The following PTPRC variants were observed in gnomAD, a reference collection of about 807,000 sequenced individuals.
The protein encoded by PTPRC is receptor-type tyrosine-protein phosphatase C.
PTPRC carries 44 observed loss-of-function variants against 155.9 expected under a neutral mutation model. The observed-to-expected ratio is 0.28, with a 90% CI of 0.22 to 0.36. The LOEUF is 0.36. Ranked by LOEUF, PTPRC falls within the 10% of genes least tolerant of loss-of-function variation. The probability of loss-of-function intolerance (pLI) is 1.00; values close to 1 mark genes in which losing one functional copy is unlikely to be tolerated. For synonymous variants in PTPRC, 525 were observed against 533.1 expected (o/e 0.98, Z 0.21); for missense variants, 1,401 against 1,564.6 (o/e 0.90, Z 1.76).
chr1:198,662,511 A>C (rs1031197865), intron 2 of PTPRC, among the ~76,000 whole-genome samples: 1 of 151,156 alleles, frequency 6.6e-6, no homozygotes, highest in Non-Finnish European at 1.5e-5. Flanking sequence ...AGACCATATT[A>C]GTATATACAC....
rs1489778907 is a variant in PTPRC at position 198,744,183 on chromosome 1, C to G, written c.2827C>G (p.Pro943Ala). Residue 943 changes from proline (P) to alanine (A), a missense_variant, in exon 26 of 33, where the codon CCA (proline) becomes GCA (alanine). Pro to Ala is a conservative substitution (Grantham distance 27, BLOSUM62 -1). Around this residue, in one of 3 missense-constraint regions of PTPRC, gnomAD observed 134 missense variants for 204.7 expected, o/e 0.65. Transcript: ENST00000442510. Reference sequence around the variant, plus strand: ...AAGGGATCCACCCAGTGAGCCGTCTCCACTAGAGGCTGAATTCCAGGTAAT... The same window carrying G: ...AAGGGATCCACCCAGTGAGCCGTCTGCACTAGAGGCTGAATTCCAGGTAAT... ...KKRDPPSEPS[P>A]LEAEFQRLPS... The G allele has an allele frequency of 1.9e-6, 3 of 1,605,918 alleles. No homozygotes were observed. Among genetic ancestry groups the G allele is most frequent in the Non-Finnish European group, 2.6e-6 (3 of 1,173,846 alleles).
chr1:198,684,398 T>C (rs1665505397), intron 2 of PTPRC, among the ~76,000 whole-genome samples: 1 of 151,854 alleles, frequency 6.6e-6, no homozygotes, highest in Non-Finnish European at 1.5e-5. Flanking sequence ...CAGCTAGATA[T>C]GGTTGCTATC....
rs1014756710 is a variant in PTPRC, at chr1:198,756,638, T to C, written c.*457T>C. Reference sequence around the variant, plus strand: ...TGCAGACTCAATAAAATCATGTACATTTCTGAAATGACCTCAAGATGTCCT... The same window carrying C: ...TGCAGACTCAATAAAATCATGTACACTTCTGAAATGACCTCAAGATGTCCT... On this transcript the variant is annotated 3_prime_UTR_variant, in exon 33 of 33. Coordinates refer to ENST00000442510, the MANE Select transcript of PTPRC (RefSeq NM_002838.5). 1.8e-5 allele frequency: 3 copies of C among 168,368 alleles called. No homozygotes were observed. Among genetic ancestry groups the C allele is most frequent in the Admixed American group, 1.2e-4 (2 of 17,336 alleles). The allele number at this position is 168,368 out of a possible 1,614,324, so 10.4% of individuals were successfully genotyped here. A position where few individuals can be genotyped will look rare whatever the true frequency, so the allele number is the denominator to read the frequency against.
intron 14 of PTPRC, 56 bp downstream of exon 14, chr1:198,718,358 C>A: frequency 7.2e-7 from 1 of 1,380,210 alleles, no homozygotes; most frequent in South Asian, 1.2e-5. Context: ...ATGATTGATT[C>A]ATAGTACTTA....
intron 5 of PTPRC, chr1:198,700,269 A>T (rs1215456523): frequency 6.3e-6 from 1 of 159,868 alleles, no homozygotes; most frequent in East Asian, 1.8e-4. Flanking sequence ...ATTAGTGTCC[A>T]AATCACTTCT....
intron 5 of PTPRC, among the ~76,000 whole-genome samples, chr1:198,701,060 G>C (rs1303081022): frequency 1.3e-5 from 2 of 152,138 alleles, no homozygotes; most frequent in Non-Finnish European, 2.9e-5. Context: ...TTTTTTAAAG[G>C]ATGAATAAAT....
At chr1:198,731,511 G>A in intron 17 of PTPRC, 106 bp from the exon 18 acceptor site, 1 of 814,430 alleles carries the variant, frequency 1.2e-6, no homozygotes. Flanking sequence ...TGTGTACGAG[G>A]AGGAAAGAAG....
intron 2 of PTPRC, among the ~76,000 whole-genome samples, chr1:198,644,267 A>T (rs1455745446): frequency 6.6e-6 from 1 of 151,958 alleles, no homozygotes; most frequent in Non-Finnish European, 1.5e-5. Context: ...TCAATCCCAT[A>T]GCAGTGGCCT....
At chr1:198,709,407 A>G (rs1379320941) in intron 10 of PTPRC, among the ~76,000 whole-genome samples, 2 of 152,090 alleles carry the variant, frequency 1.3e-5, no homozygotes, top group Non-Finnish European at 2.9e-5. Flanking sequence ...TTCCCAATAT[A>G]TTGTATCATC....
chr1:198,735,232 C>G lies in PTPRC; in HGVS notation c.2383C>G (p.Gln795Glu), dbSNP rs775791258. 1.2e-6 allele frequency: 2 copies of G among 1,601,582 alleles called. No homozygotes were observed. The highest frequency in any genetic ancestry group is 1.7e-6 in the Non-Finnish European group (2 of 1,172,720). The change falls in exon 23 of 33, where the codon CAG (glutamine) becomes GAG (glutamate). Residue 795 changes from glutamine to glutamate, a missense_variant. By Grantham distance (29) the Gln-to-Glu change is conservative. This residue lies in a region of PTPRC where 867 missense variants were observed against 970.4 expected (regional missense o/e 0.89). Transcript: ENST00000442510. The part of the protein sequence containing the change: ...QHKRCPDYII[Q>E]KLNIVNKKEK... Reference sequence around the variant, plus strand: ...CAAAAGATGTCCAGATTACATCATTCAGAAATTGAACATTGTAAATGTGAG... The same window carrying G: ...CAAAAGATGTCCAGATTACATCATTGAGAAATTGAACATTGTAAATGTGAG...
At chr1:198,709,480 A>C (rs1422779997) in intron 10 of PTPRC, among the ~76,000 whole-genome samples, 3 of 152,136 alleles carry the variant, frequency 2.0e-5, no homozygotes, top group Non-Finnish European at 4.4e-5. Flanking sequence ...TGGTGCCAGG[A>C]ATTTTGAATA....
chr1:198,688,078 GGTGTGT>G lies in PTPRC; in HGVS notation c.74-4254_74-4249del, dbSNP rs139116095. Reference sequence around the variant, plus strand: ...TTTAAAAAGATAAAATGGTGTGTGGGGTGTGTGTGTGTGTGTGTGTCTGTGTGTGTG... The same window carrying G: ...TTTAAAAAGATAAAATGGTGTGTGGGGTGTGTGTGTGTGTCTGTGTGTGTG... On this transcript the variant is annotated intron_variant, in intron 2 of 32. Coordinates refer to ENST00000442510, the MANE Select transcript of PTPRC (RefSeq NM_002838.5). Among the ~76,000 whole-genome samples the G allele has an allele frequency of 4.6e-3, 690 of 148,558 alleles. 4 individuals carry two copies. Among genetic ancestry groups the G allele is most frequent in the African/African-American group, 9.1e-3 (368 of 40,650 alleles).
At chr1:198,739,698 T>G (rs909477155) in intron 23 of PTPRC, among the ~76,000 whole-genome samples, 6 of 151,802 alleles carry the variant, frequency 4.0e-5, no homozygotes, top group African/African-American at 1.4e-4. Context: ...CAAAGAAACA[T>G]TGGTCTTAAT....
At chr1:198,730,848 AC>A (rs1018406987) in intron 17 of PTPRC, among the ~76,000 whole-genome samples, 1 of 152,118 alleles carries the variant, frequency 6.6e-6, no homozygotes, top group African/African-American at 2.4e-5. Context: ...TAAATGGGTC[AC>A]CCTCATGGAT....
rs767586221 is a variant in PTPRC, at chr1:198,729,131, T to C, written c.1830-6T>C. The C allele has an allele frequency of 6.2e-7, 1 of 1,610,490 alleles. No individual in the cohort carries two copies. The highest frequency in any genetic ancestry group is 1.3e-5 in the African/African-American group (1 of 74,836). ...ATATAGAAACTTATTTTTCCTATTT[T>C]CACAGCAATTTAGATGAACAGCAGG... On this transcript the variant is annotated splice_polypyrimidine_tract_variant and splice_region_variant and intron_variant, in intron 16 of 32. Coordinates refer to ENST00000442510, the MANE Select transcript of PTPRC (RefSeq NM_002838.5).
chr1:198,754,806 G>T (rs1655552882), intron 32 of PTPRC, among the ~76,000 whole-genome samples: 1 of 152,026 alleles, frequency 6.6e-6, no homozygotes, highest in African/African-American at 2.4e-5. Flanking sequence ...ATGTTCTGCT[G>T]GTGCCCTCAG....
intron 2 of PTPRC, among the ~76,000 whole-genome samples, chr1:198,662,311 TATAG>T (rs1284091859): frequency 6.6e-6 from 1 of 152,192 alleles, no homozygotes; most frequent in East Asian, 1.9e-4. Context: ...ATTCTTATTT[TATAG>T]ATAAAGAATC....
At chr1:198,701,520 A>C (rs938583948) in intron 5 of PTPRC, among the ~76,000 whole-genome samples, 10 of 152,312 alleles carry the variant, frequency 6.6e-5, no homozygotes, top group African/African-American at 2.4e-4. Flanking sequence ...CTAGTCATCT[A>C]GTAGGAACCA....
Position 198,729,124 on chromosome 1 carries a change from C to T in PTPRC, c.1830-13C>T, listed in dbSNP as rs947047870. The T allele has an allele frequency of 6.2e-7, 1 of 1,609,456 alleles. No individual in the cohort carries two copies. The highest frequency in any genetic ancestry group is 8.5e-7 in the Non-Finnish European group (1 of 1,177,604). On this transcript the variant is annotated splice_polypyrimidine_tract_variant and intron_variant, in intron 16 of 32. Coordinates refer to ENST00000442510, the MANE Select transcript of PTPRC (RefSeq NM_002838.5). ...CTTGAGAATATAGAAACTTATTTTTCCTATTTTCACAGCAATTTAGATGAA... is the reference window on the plus strand; with the variant it reads ...CTTGAGAATATAGAAACTTATTTTTTCTATTTTCACAGCAATTTAGATGAA...
Sources: allele counts gnomAD v4.1 joint callset (sites outside exome capture counted in the v4.1 genomes callset), GRCh38; gene constraint gnomAD v4.1.1; regional missense constraint gnomAD v4.1.1; transcripts MANE v1.5; gene names NCBI Gene and HGNC (gene_info 2026-07-23, HGNC 2026-07-21).